The following NREP variants were observed in gnomAD, a reference collection of about 807,000 sequenced individuals.
NREP encodes neuronal regeneration related protein.
Under a neutral mutation model 8.6 loss-of-function variants are expected in NREP, and 5 were observed. The ratio of observed to expected loss-of-function variants is 0.58; its 90% confidence interval spans 0.30 to 1.22. The LOEUF (loss-of-function observed/expected upper bound fraction) is 1.22. Ranked by LOEUF, NREP falls within the 50% of genes most tolerant of loss-of-function variation. NREP has a pLI of 0.07. For missense variants in NREP, 86 were observed against 82.5 expected (o/e 1.04, Z -0.17); for synonymous variants, 27 against 28.0 (o/e 0.96, Z 0.11).
intron 2 of NREP, among the ~76,000 whole-genome samples, chr5:111,830,534 T>A (rs924729485): frequency 6.6e-6 from 1 of 152,214 alleles, no homozygotes; most frequent in Non-Finnish European, 1.5e-5. Context: ...AACAGTTTAT[T>A]TGGCTGAGTC....
chr5:111,813,428 T>C (rs1324197682), intron 2 of NREP, among the ~76,000 whole-genome samples: 1 of 152,166 alleles, frequency 6.6e-6, no homozygotes, highest in Non-Finnish European at 1.5e-5. Context: ...ATCATGCATA[T>C]AAAGGTGATG....
At chr5:111,880,938 C>T (rs535918996) in intron 2 of NREP, among the ~76,000 whole-genome samples, 33 of 152,202 alleles carry the variant, frequency 2.2e-4, no homozygotes, top group African/African-American at 6.7e-4. Context: ...TCTGAGGTAC[C>T]GGGTTCATCT....
Position 111,731,004 on chromosome 5 carries a change from C to T in NREP, c.124G>A (p.Asp42Asn), listed in dbSNP as rs1026566263. ...GTCAGGGAGGCAGCGTTTGTCTCAT[C>T]GTTCTTCTTGCGGTTCACTTCCTTT... Reference protein sequence around the residue: ...VPKEVNRKKNDETNAASLTPL... With the variant: ...VPKEVNRKKNNETNAASLTPL... Residue 42 changes from aspartate (D) to asparagine (N), a missense_variant, in exon 4 of 4, where the codon GAT becomes AAT. Physicochemically the swap from Asp to Asn is conservative, Grantham distance 23. Transcript: ENST00000257435. 8.7e-6 allele frequency: 14 copies of T among 1,613,790 alleles called. No homozygotes were observed. Among genetic ancestry groups the T allele is most frequent in the African/African-American group, 1.3e-5 (1 of 74,910 alleles).
intron 2 of NREP, among the ~76,000 whole-genome samples, chr5:111,886,178 T>C (rs1351431420): frequency 6.6e-6 from 1 of 152,030 alleles, no homozygotes; most frequent in Non-Finnish European, 1.5e-5. Context: ...AACAGACACT[T>C]CTCAAAAGAA....
At chr5:111,757,467 T>C, upstream of NREP, 1 of 985,212 alleles carries the variant, frequency 1.0e-6, no homozygotes, top group Non-Finnish European at 1.2e-6. Context: ...GCTAGGGTGC[T>C]AGTGAACAAT....
upstream of NREP, chr5:111,757,906 G>T (rs953415137): frequency 6.1e-6 from 6 of 985,188 alleles, no homozygotes; most frequent in Non-Finnish European, 7.2e-6. Flanking sequence ...CGCCAGGGCC[G>T]TGGGGAGAGG....
At chr5:111,907,625 T>C (rs1220357888) in intron 2 of NREP, among the ~76,000 whole-genome samples, 1 of 152,136 alleles carries the variant, frequency 6.6e-6, no homozygotes, top group Non-Finnish European at 1.5e-5. Context: ...ATGCCCTTAA[T>C]AATAGCACAA....
At chr5:111,966,477 G>A (rs143400575) in intron 2 of NREP, among the ~76,000 whole-genome samples, 37 of 152,254 alleles carry the variant, frequency 2.4e-4, no homozygotes, top group African/African-American at 8.7e-4. Context: ...ACTAACAGAA[G>A]GGGAAGTGAT....
intron 2 of NREP, among the ~76,000 whole-genome samples, chr5:111,905,682 A>T (rs1305013362): frequency 2.0e-5 from 3 of 152,092 alleles, no homozygotes; most frequent in East Asian, 3.9e-4. Flanking sequence ...TGCTGTTGGT[A>T]AAAAAACCAA....
intron 2 of NREP, among the ~76,000 whole-genome samples, chr5:111,895,179 C>A (rs1003008000): frequency 1.3e-5 from 2 of 152,144 alleles, no homozygotes; most frequent in African/African-American, 4.8e-5. Flanking sequence ...AAATGAATAT[C>A]CTCAACTTAT....
intron 2 of NREP, among the ~76,000 whole-genome samples, chr5:111,811,499 C>T (rs1687468222): frequency 6.6e-6 from 1 of 152,142 alleles, no homozygotes; most frequent in Admixed American, 6.5e-5. Flanking sequence ...CACATACACA[C>T]TCAAAATATA....
At chr5:111,889,983 A>G (rs1287545682) in intron 2 of NREP, among the ~76,000 whole-genome samples, 1 of 152,176 alleles carries the variant, frequency 6.6e-6, no homozygotes, top group East Asian at 1.9e-4. Flanking sequence ...GACAGGAACA[A>G]ATCACAATGG....
intron 2 of NREP, among the ~76,000 whole-genome samples, chr5:111,746,929 T>G (rs1040728080): frequency 1.3e-5 from 2 of 152,254 alleles, no homozygotes; most frequent in Non-Finnish European, 2.9e-5. Context: ...TTAACTGAGT[T>G]CCTCTGATGC....
At chr5:111,922,817 C>T (rs141319256) in intron 2 of NREP, among the ~76,000 whole-genome samples, 1 of 152,048 alleles carries the variant, frequency 6.6e-6, no homozygotes, top group African/African-American at 2.4e-5. Flanking sequence ...GAGAAATGGC[C>T]CATTCTGTTT....
At chr5:111,860,243 C>T (rs140609477) in intron 2 of NREP, among the ~76,000 whole-genome samples, 3 of 152,206 alleles carry the variant, frequency 2.0e-5, no homozygotes, top group Non-Finnish European at 4.4e-5. Context: ...AATGATACCA[C>T]TGTCTCCCTC....
chr5:111,955,268 G>A (rs1254481317), intron 2 of NREP, among the ~76,000 whole-genome samples: 1 of 152,030 alleles, frequency 6.6e-6, no homozygotes, highest in East Asian at 1.9e-4. Context: ...TATTCAAAGA[G>A]AAATATTATT....
intron 2 of NREP, among the ~76,000 whole-genome samples, chr5:111,829,919 C>T (rs921593348): frequency 2.6e-5 from 4 of 152,180 alleles, no homozygotes; most frequent in African/African-American, 7.2e-5. Flanking sequence ...GCTCTTACAG[C>T]CCTGGACTGG....
chr5:111,786,321 A>C (rs923729818), intron 2 of NREP, among the ~76,000 whole-genome samples: 2 of 152,138 alleles, frequency 1.3e-5, no homozygotes, highest in Non-Finnish European at 2.9e-5. Flanking sequence ...TGGAGCTGTG[A>C]GTCAATTAAA....
chr5:111,736,704 A>G (rs1323019619), intron 2 of NREP, among the ~76,000 whole-genome samples: 1 of 152,236 alleles, frequency 6.6e-6, no homozygotes, highest in African/African-American at 2.4e-5. Context: ...GCTCTACACC[A>G]GTGACATTTG....
Sources: allele counts gnomAD v4.1 joint callset (sites outside exome capture counted in the v4.1 genomes callset), GRCh38; gene constraint gnomAD v4.1.1; transcripts MANE v1.5; gene names NCBI Gene and HGNC (gene_info 2026-07-23, HGNC 2026-07-21).